The following EXOC4 variants were observed in gnomAD, a reference collection of about 807,000 sequenced individuals.
EXOC4 encodes the protein SEC8-like 1.
EXOC4 carries 71 observed loss-of-function variants against 107.2 expected under a neutral mutation model. That is an observed-to-expected ratio of 0.66 (90% CI 0.55 to 0.81). The LOEUF is 0.81. Among genes scored for constraint, EXOC4 ranks in the 30% least tolerant of loss-of-function variants. EXOC4 has a pLI of 0.00. For synonymous variants in EXOC4, 456 were observed against 441.2 expected (o/e 1.03, Z -0.42); for missense variants, 1,108 against 1,189.6 (o/e 0.93, Z 1.01).
At chr7:133,739,899 A>G (rs1795529573) in intron 10 of EXOC4, among the ~76,000 whole-genome samples, 2 of 152,298 alleles carry the variant, frequency 1.3e-5, no homozygotes, top group African/African-American at 4.8e-5. Context: ...TTGAGGCATA[A>G]CCAGTGTATT....
At chr7:133,810,596 C>CTTTATTTTAT (rs60838740) in intron 10 of EXOC4, among the ~76,000 whole-genome samples, 3,482 of 103,770 alleles carry the variant, frequency 0.034, 84 homozygotes, top group African/African-American at 0.069. Flanking sequence ...CCATGCTTTG[C>CTTTATTTTAT]TTTATTTTAT....
At chr7:133,937,173 A>G (rs1401101883) in intron 13 of EXOC4, among the ~76,000 whole-genome samples, 1 of 151,732 alleles carries the variant, frequency 6.6e-6, no homozygotes, top group Non-Finnish European at 1.5e-5. Flanking sequence ...CTGTAACTTG[A>G]TTTTTCAACC....
At chr7:133,686,176 G>C (rs1230386338) in intron 10 of EXOC4, among the ~76,000 whole-genome samples, 3 of 152,128 alleles carry the variant, frequency 2.0e-5, no homozygotes, top group African/African-American at 7.2e-5. Flanking sequence ...TGACTCTGCA[G>C]AAAGTCCTCA....
At chr7:133,539,491 T>A (rs1351708827) in intron 9 of EXOC4, among the ~76,000 whole-genome samples, 1 of 152,206 alleles carries the variant, frequency 6.6e-6, no homozygotes, top group East Asian at 1.9e-4. Flanking sequence ...AGACTGATTG[T>A]TAACAGAGTT....
At chr7:133,639,163 C>T (rs1802785419) in intron 10 of EXOC4, among the ~76,000 whole-genome samples, 1 of 152,116 alleles carries the variant, frequency 6.6e-6, no homozygotes, top group African/African-American at 2.4e-5. Context: ...TACAGTCTCT[C>T]CCTTTAATAA....
rs182150864 is a variant in EXOC4 at position 133,799,217 on chromosome 7, G to T, written c.1515-18108G>T. Among the ~76,000 whole-genome samples, 63 of 152,198 alleles carry T rather than the reference G, an allele frequency of 4.1e-4. No individual in the cohort carries two copies. The East Asian group carries it at 0.011, about 26-fold the overall frequency. On this transcript the variant is annotated intron_variant, in intron 10 of 17. Transcript: ENST00000253861. ...CCCCTTTGGTTAAACTCCAAAAGAG[G>T]TATCCCCCCTGTGAATAATTATGTC...
chr7:133,842,826 A>G (rs1798049156), intron 11 of EXOC4, among the ~76,000 whole-genome samples: 1 of 152,200 alleles, frequency 6.6e-6, no homozygotes, highest in South Asian at 2.1e-4. Context: ...GGTATAAATA[A>G]CGAAGGGGTC....
chr7:134,024,866 T>C (rs1795103811), intron 17 of EXOC4, among the ~76,000 whole-genome samples: 1 of 152,210 alleles, frequency 6.6e-6, no homozygotes, highest in Non-Finnish European at 1.5e-5. Flanking sequence ...GTGGCGGCAG[T>C]AGTAGTGGCA....
chr7:133,352,036 G>GA (rs561748312), intron 5 of EXOC4, among the ~76,000 whole-genome samples: 146 of 152,092 alleles, frequency 9.6e-4, no homozygotes, highest in African/African-American at 3.3e-3. Context: ...TTTAGTTAGA[G>GA]AAGATACTTT....
At chr7:133,296,840 A>T (rs1244013146) in intron 3 of EXOC4, among the ~76,000 whole-genome samples, 1 of 152,110 alleles carries the variant, frequency 6.6e-6, no homozygotes. Flanking sequence ...CCCACACTGC[A>T]CATTAGGGGA....
intron 10 of EXOC4, among the ~76,000 whole-genome samples, chr7:133,803,999 A>G (rs1008076198): frequency 1.3e-5 from 2 of 152,170 alleles, no homozygotes; most frequent in Non-Finnish European, 2.9e-5. Context: ...ATGTTACTCC[A>G]ACCCATTTTG....
chr7:133,962,377 C>A (rs1164300380), intron 14 of EXOC4, among the ~76,000 whole-genome samples: 2 of 152,208 alleles, frequency 1.3e-5, no homozygotes, highest in East Asian at 3.8e-4. Context: ...AATTGTGCAA[C>A]TTCCAAGTAG....
chr7:133,760,592 A>T (rs1434106317), intron 10 of EXOC4, among the ~76,000 whole-genome samples: 1 of 152,080 alleles, frequency 6.6e-6, no homozygotes, highest in East Asian at 1.9e-4. Context: ...TGCTCTGATG[A>T]CCACTTCCTT....
At chr7:133,387,908 A>C (rs983269569) in intron 7 of EXOC4, among the ~76,000 whole-genome samples, 2 of 152,086 alleles carry the variant, frequency 1.3e-5, no homozygotes, top group Admixed American at 6.6e-5. Flanking sequence ...GCATGTTTTC[A>C]CACAGTTAAG....
intron 9 of EXOC4, among the ~76,000 whole-genome samples, chr7:133,628,843 T>G (rs1283261558): frequency 2.0e-5 from 3 of 152,174 alleles, no homozygotes; most frequent in African/African-American, 7.2e-5. Context: ...TGTTTAAACC[T>G]TCTGATAGCA....
intron 9 of EXOC4, among the ~76,000 whole-genome samples, chr7:133,501,218 T>A (rs1191540909): frequency 1.3e-5 from 2 of 152,330 alleles, no homozygotes; most frequent in East Asian, 3.9e-4. Context: ...AGCTAAAAAT[T>A]CTAAATTGTT....
intron 10 of EXOC4, among the ~76,000 whole-genome samples, chr7:133,644,141 T>C (rs1441796828): frequency 1.3e-5 from 2 of 152,230 alleles, no homozygotes; most frequent in Non-Finnish European, 2.9e-5. Flanking sequence ...TTTTGTCCAT[T>C]TGACCTAGAA....
intron 3 of EXOC4, among the ~76,000 whole-genome samples, chr7:133,294,691 T>A (rs2150553715): frequency 6.6e-6 from 1 of 152,292 alleles, no homozygotes; most frequent in Non-Finnish European, 1.5e-5. Flanking sequence ...TTATTTCACT[T>A]ACACTGTGTA....
intron 7 of EXOC4, among the ~76,000 whole-genome samples, chr7:133,382,864 C>T (rs1796648182): frequency 6.6e-6 from 1 of 152,096 alleles, no homozygotes; most frequent in African/African-American, 2.4e-5. Flanking sequence ...CAGCCAGAAC[C>T]CATCCTTTAG....
Sources: allele counts gnomAD v4.1 joint callset (sites outside exome capture counted in the v4.1 genomes callset), GRCh38; gene constraint gnomAD v4.1.1; transcripts MANE v1.5; gene names NCBI Gene and HGNC (gene_info 2026-07-23, HGNC 2026-07-21).